Variants in MGAT4C observed in about 807,000 individuals in gnomAD.
MGAT4C encodes MGAT4 family member C, also known as alpha-1,3-mannosyl-glycoprotein 4-beta-N-acetylglucosaminyltransferase C.
A neutral mutation model predicts 40.1 loss-of-function variants in MGAT4C; 19 were observed. That is an observed-to-expected ratio of 0.47 (90% CI 0.33 to 0.70). The LOEUF is 0.70. Ranked by LOEUF, MGAT4C falls within the 30% of genes least tolerant of loss-of-function variation. The pLI, the probability that MGAT4C is intolerant of heterozygous loss-of-function variation, is 0.02. For synonymous variants in MGAT4C, 181 were observed against 187.1 expected (o/e 0.97, Z 0.27); for missense variants, 491 against 563.2 (o/e 0.87, Z 1.30).
chr12:86,694,317 G>C (rs1437577195), intron 2 of MGAT4C, among the ~76,000 whole-genome samples: 1 of 151,406 alleles, frequency 6.6e-6, no homozygotes, highest in East Asian at 2.0e-4. Context: ...TTCTAAACAT[G>C]ACAAAATGTG....
intron 1 of MGAT4C, among the ~76,000 whole-genome samples, chr12:86,834,165 G>T (rs959383390): frequency 7.3e-6 from 1 of 137,876 alleles, no homozygotes; most frequent in Admixed American, 7.3e-5. Flanking sequence ...TCTATAGATA[G>T]AGATAGATAG....
chr12:86,114,809 CT>C (rs201695015), intron 1 of MGAT4C, among the ~76,000 whole-genome samples: 8 of 151,602 alleles, frequency 5.3e-5, no homozygotes, highest in South Asian at 2.1e-4. Context: ...TTCATCTTTC[CT>C]TTTTTTTATT....
chr12:86,176,900 C>T (rs1050769328), intron 1 of MGAT4C, among the ~76,000 whole-genome samples: 1 of 149,308 alleles, frequency 6.7e-6, no homozygotes, highest in South Asian at 2.2e-4. Context: ...CATTAATTTA[C>T]TAAATTAAGG....
chr12:86,542,779 G>C (rs1959174895), intron 2 of MGAT4C, among the ~76,000 whole-genome samples: 1 of 152,134 alleles, frequency 6.6e-6, no homozygotes, highest in South Asian at 2.1e-4. Flanking sequence ...GGATTCTTCT[G>C]AACTATTATT....
intron 1 of MGAT4C, among the ~76,000 whole-genome samples, chr12:86,826,169 T>G (rs2136231538): frequency 6.6e-6 from 1 of 151,572 alleles, no homozygotes; most frequent in Admixed American, 6.6e-5. Context: ...TTGCTCTCTT[T>G]AAACTGTTTT....
intron 2 of MGAT4C, among the ~76,000 whole-genome samples, chr12:86,704,016 A>G (rs1054775685): frequency 2.0e-5 from 3 of 152,162 alleles, no homozygotes; most frequent in African/African-American, 7.2e-5. Context: ...GCTTAAAGTA[A>G]CCAAGGACAG....
intron 2 of MGAT4C, among the ~76,000 whole-genome samples, chr12:85,994,303 A>G (rs1168201242): frequency 6.6e-6 from 1 of 152,242 alleles, no homozygotes; most frequent in Non-Finnish European, 1.5e-5. Context: ...CATTCACAAT[A>G]CAGAATACAA....
chr12:86,059,174 G>A (rs1893688263), intron 1 of MGAT4C, among the ~76,000 whole-genome samples: 1 of 152,100 alleles, frequency 6.6e-6, no homozygotes. Context: ...GGCTGACTGA[G>A]TAGCTGTGAT....
chr12:86,010,360 T>C (rs1035055311), intron 2 of MGAT4C, among the ~76,000 whole-genome samples: 4 of 152,242 alleles, frequency 2.6e-5, no homozygotes, highest in African/African-American at 4.8e-5. Flanking sequence ...CTACTAGTGC[T>C]ATGGTTTGAA....
chr12:86,462,459 G>A (rs1957615997), intron 2 of MGAT4C, among the ~76,000 whole-genome samples: 1 of 152,142 alleles, frequency 6.6e-6, no homozygotes. Flanking sequence ...TGGAACGTTT[G>A]AAACACCTTT....
chr12:86,371,413 A>G (rs191186417), intron 3 of MGAT4C, among the ~76,000 whole-genome samples: 1 of 152,160 alleles, frequency 6.6e-6, no homozygotes, highest in Non-Finnish European at 1.5e-5. Flanking sequence ...ATTTGCTCTT[A>G]TGATTCCCTT....
At chr12:86,609,269 C>A (rs928124708) in intron 2 of MGAT4C, among the ~76,000 whole-genome samples, 1 of 152,064 alleles carries the variant, frequency 6.6e-6, no homozygotes, top group Non-Finnish European at 1.5e-5. Context: ...AAGGACATGA[C>A]TGTTTGCAAA....
At chr12:86,762,688 C>G (rs1951428810) in intron 1 of MGAT4C, among the ~76,000 whole-genome samples, 1 of 152,210 alleles carries the variant, frequency 6.6e-6, no homozygotes, top group Non-Finnish European at 1.5e-5. Context: ...AGCAGAAGCC[C>G]TTTGAATATA....
At chr12:86,033,143 C>G (rs533397825) in intron 2 of MGAT4C, among the ~76,000 whole-genome samples, 2 of 142,402 alleles carry the variant, frequency 1.4e-5, no homozygotes, top group South Asian at 4.3e-4. Context: ...TGTAGCAGAA[C>G]CATGCTGCTT....
intron 2 of MGAT4C, among the ~76,000 whole-genome samples, chr12:86,504,820 G>C (rs1958441299): frequency 6.6e-6 from 1 of 152,130 alleles, no homozygotes; most frequent in Non-Finnish European, 1.5e-5. Context: ...CTGAGTAGCT[G>C]AGACTACAGG....
intron 1 of MGAT4C, among the ~76,000 whole-genome samples, chr12:86,772,961 G>T (rs987898180): frequency 6.6e-6 from 1 of 152,106 alleles, no homozygotes; most frequent in Non-Finnish European, 1.5e-5. Flanking sequence ...ATTCTGGAAT[G>T]AGTTAAGACT....
At chr12:86,505,767 T>G (rs1277136779) in intron 2 of MGAT4C, among the ~76,000 whole-genome samples, 1 of 152,206 alleles carries the variant, frequency 6.6e-6, no homozygotes, top group Non-Finnish European at 1.5e-5. Flanking sequence ...TGTATTTCTC[T>G]AGCATACTAA....
At chr12:86,474,630 A>T (rs2136306895) in intron 2 of MGAT4C, among the ~76,000 whole-genome samples, 1 of 152,198 alleles carries the variant, frequency 6.6e-6, no homozygotes, top group African/African-American at 2.4e-5. Context: ...GGTTAAACTG[A>T]TTTTATGAAT....
At chr12:86,028,694 A>C (rs1211431604) in intron 2 of MGAT4C, among the ~76,000 whole-genome samples, 1 of 151,916 alleles carries the variant, frequency 6.6e-6, no homozygotes, top group Non-Finnish European at 1.5e-5. Flanking sequence ...GTAATAATAC[A>C]CTATGGTGCT....
Sources: allele counts gnomAD v4.1 joint callset (sites outside exome capture counted in the v4.1 genomes callset), GRCh38; gene constraint gnomAD v4.1.1; transcripts MANE v1.5; gene names NCBI Gene and HGNC (gene_info 2026-07-23, HGNC 2026-07-21).